Variants in OTUD1 observed in about 807,000 individuals in gnomAD.
OTUD1 encodes the protein OTU domain-containing protein 1.
Under a neutral mutation model 30.0 loss-of-function variants are expected in OTUD1, and 15 were observed. The ratio of observed to expected loss-of-function variants is 0.50; its 90% CI spans 0.33 to 0.77. The LOEUF (loss-of-function observed/expected upper bound fraction) is 0.77, where lower values mean the gene tolerates loss of function less well. Ranked by LOEUF, OTUD1 falls within the 30% of genes least tolerant of loss-of-function variation. The pLI is 0.02. For synonymous variants in OTUD1, 381 were observed against 326.3 expected, an observed-to-expected ratio of 1.17 and a Z score of -1.81; for missense variants, 796 against 697.8, an observed-to-expected ratio of 1.14 and a Z score of -1.59.
Position 23,439,898 on chromosome 10 carries a change from C to A in OTUD1, c.441C>A (p.Leu147=). Reference sequence around the variant, plus strand: ...CCGCTGCCCCGCGCGGCCGCTGCCTCCTGCTCGCCCCGGCGCCCGCAGCCC... The same window carrying A: ...CCGCTGCCCCGCGCGGCCGCTGCCTACTGCTCGCCCCGGCGCCCGCAGCCC... ...GSAAAPRGRC[L]LLAPAPAAPV... is the part of the protein sequence containing the mutation. The change falls in exon 1 of 1, where the codon CTC becomes CTA. Residue 147 remains leucine (L), a synonymous_variant. Coordinates refer to ENST00000376495, the MANE Select transcript of OTUD1 (RefSeq NM_001145373.3). The A allele has an allele frequency of 8.4e-7, 1 of 1,195,730 alleles. No homozygotes were observed. Among genetic ancestry groups the A allele is most frequent in the Non-Finnish European group, 1.0e-6 (1 of 967,958 alleles). The allele number at this position is 1,195,730 out of a possible 1,614,324, so 74.1% of individuals were successfully genotyped here.
chr10:23,440,379 A>C lies in OTUD1; in HGVS notation c.922A>C (p.Asn308His). 6.4e-7 allele frequency: 1 copy of C among 1,551,560 alleles called. No homozygotes were observed. The highest frequency in any genetic ancestry group is 8.7e-7 in the Non-Finnish European group (1 of 1,146,992). ...EKQDKYLRQR[N>H]KYRFHIIPDG... ...GCAGGACAAGTATCTGCGGCAGAGG[A>C]ATAAGTACCGATTCCACATCATTCC... Residue 308 changes from asparagine (N) to histidine (H), a missense_variant, in exon 1 of 1, where the codon AAT becomes CAT. Coordinates refer to ENST00000376495, the MANE Select transcript of OTUD1 (RefSeq NM_001145373.3).
In OTUD1 at chr10:23,439,529, G is replaced by A. The variant is rs1847102129; in HGVS notation, c.72G>A (p.Ala24=). ...GAPGPTAAAP[A]PPAAATPFKV... ...CGGGTCCCACGGCCGCCGCCCCCGCGCCACCCGCCGCCGCTACCCCCTTCA... is the reference window on the plus strand; with the variant it reads ...CGGGTCCCACGGCCGCCGCCCCCGCACCACCCGCCGCCGCTACCCCCTTCA... The change falls in exon 1 of 1, where the codon GCG becomes GCA. Residue 24 remains alanine (A), a synonymous_variant. Transcript: ENST00000376495. 1 of 1,362,052 alleles carries A rather than the reference G, an allele frequency of 7.3e-7. No homozygotes were observed. 84.4% of individuals were successfully genotyped at this position (1,362,052 alleles called of 1,614,324 possible).
chr10:23,440,758 C>G lies in OTUD1; in HGVS notation c.1301C>G (p.Ala434Gly), dbSNP rs1588756395. ...LSWLSNGHYD[A>G]VFDHSYPNPE... ...TGGCTCAGTAACGGACACTATGATGCTGTATTTGATCACTCCTATCCTAAC... is the reference window on the plus strand; with the variant it reads ...TGGCTCAGTAACGGACACTATGATGGTGTATTTGATCACTCCTATCCTAAC... Residue 434 changes from alanine (A) to glycine (G), a missense_variant, in exon 1 of 1, where the codon GCT (alanine) becomes GGT (glycine). Physicochemically the swap from Ala to Gly is moderately conservative, Grantham distance 60. Transcript: ENST00000376495. 6.4e-7 allele frequency: 1 copy of G among 1,552,114 alleles called. No homozygotes were observed. Among genetic ancestry groups the G allele is most frequent in the East Asian group, 2.4e-5 (1 of 40,930 alleles).
chr10:23,440,786 A>T lies in OTUD1; in HGVS notation c.1329A>T (p.Pro443=). The T allele has an allele frequency of 6.4e-7, 1 of 1,552,202 alleles. No homozygotes were observed. The highest frequency in any genetic ancestry group is 8.7e-7 in the Non-Finnish European group (1 of 1,147,094). ...TATTTGATCACTCCTATCCTAACCC[A>T]GAGTACGACAACTGGTGCAAACAAA... The part of the protein sequence containing the change: ...DAVFDHSYPN[P]EYDNWCKQTQ... The change falls in exon 1 of 1, where the codon CCA becomes CCT. Residue 443 remains proline (P), a synonymous_variant. Transcript: ENST00000376495.
chr10:23,440,856 G>A lies in OTUD1; in HGVS notation c.1399G>A (p.Ala467Thr). Reference sequence around the variant, plus strand: ...CGACGAAGAACTTGCCAAATCTATGGCCATATCCTTGTCTAAAATGTATAT... The same window carrying A: ...CGACGAAGAACTTGCCAAATCTATGACCATATCCTTGTCTAAAATGTATAT... ...KRDEELAKSM[A>T]ISLSKMYIEQ... The change falls in exon 1 of 1, where the codon GCC (alanine) becomes ACC (threonine). Residue 467 changes from alanine to threonine, a missense_variant. By Grantham distance (58) the Ala-to-Thr change is moderately conservative (BLOSUM62 0). Transcript: ENST00000376495. 6.4e-7 allele frequency: 1 copy of A among 1,551,894 alleles called. No individual in the cohort carries two copies. The highest frequency in any genetic ancestry group is 8.7e-7 in the Non-Finnish European group (1 of 1,147,010).
At position 23,440,918 on chromosome 10, in the gene OTUD1, T is replaced by C; in HGVS notation, c.*15T>C. On this transcript the variant is annotated 3_prime_UTR_variant, in exon 1 of 1. Transcript: ENST00000376495. ...CATGCTCTTGAAATGTCTCAAAACC[T>C]TACACCCTGGGAATAATTGCATATA... 1 of 1,540,892 alleles carries C rather than the reference T, an allele frequency of 6.5e-7. No individual in the cohort carries two copies. The highest frequency in any genetic ancestry group is 1.7e-4 in the Middle Eastern group (1 of 5,918).
Position 23,441,073 on chromosome 10 carries a change from T to A in OTUD1, c.*170T>A. On this transcript the variant is annotated 3_prime_UTR_variant, in exon 1 of 1. Coordinates refer to ENST00000376495, the MANE Select transcript of OTUD1 (RefSeq NM_001145373.3). ...ATGTTTTCTCAGAGCTGGAGGTTGCTGGGCACCTAAATGATGTTTCATGAT... is the reference window on the plus strand; with the variant it reads ...ATGTTTTCTCAGAGCTGGAGGTTGCAGGGCACCTAAATGATGTTTCATGAT... 9.6e-6 allele frequency: 7 copies of A among 729,128 alleles called. No individual in the cohort carries two copies. Among genetic ancestry groups the A allele is most frequent in the Non-Finnish European group, 1.6e-5 (7 of 448,280 alleles). The allele number at this position is 729,128 out of a possible 1,614,324, so 45.2% of individuals were successfully genotyped here. A position where few individuals can be genotyped will look rare whatever the true frequency, so the allele number is the denominator to read the frequency against.
In OTUD1 at chr10:23,439,828, T is replaced by C. The variant is rs1283566359; in HGVS notation, c.371T>C (p.Leu124Pro). The change falls in exon 1 of 1, where the codon CTC becomes CCC. Residue 124 changes from leucine (L) to proline (P), a missense_variant. Transcript: ENST00000376495. Reference sequence around the variant, plus strand: ...GTGCGGGCCCTGGGCGCCGACAGGCTCCTGCTGCACGGGCCCGATCCCGTT... The same window carrying C: ...GTGCGGGCCCTGGGCGCCGACAGGCCCCTGCTGCACGGGCCCGATCCCGTT... ...ITVRALGADR[L>P]LLHGPDPVPG... 8.9e-7 allele frequency: 1 copy of C among 1,120,740 alleles called. No homozygotes were observed. Among genetic ancestry groups the C allele is most frequent in the Non-Finnish European group, 1.1e-6 (1 of 920,986 alleles). 69.4% of individuals were successfully genotyped at this position (1,120,740 alleles called of 1,614,324 possible).
rs1847132501 is a variant in OTUD1 at position 23,441,867 on chromosome 10, G to A, written c.*964G>A. On this transcript the variant is annotated 3_prime_UTR_variant, in exon 1 of 1. Transcript: ENST00000376495. ...TAAATGTCTGGAGCCAACCTTGGCA[G>A]TTATAGCAGGAGAACACTGTCTTAA... is the stretch of plus-strand genomic sequence containing the variant. The A allele has an allele frequency of 6.0e-6, 1 of 167,078 alleles. No individual in the cohort carries two copies. The highest frequency in any genetic ancestry group is 1.5e-5 in the Non-Finnish European group (1 of 68,126). 10.3% of individuals were successfully genotyped at this position (167,078 alleles called of 1,614,324 possible).
At position 23,439,103 on chromosome 10, in the gene OTUD1, G is replaced by C. The variant is rs1417923260; in HGVS notation, c.-355G>C. The stretch of plus-strand genomic sequence containing the variant: ...CGCGCGCACCGCGCTCCTCCTCGCC[G>C]GCGGGACGCGCTCCAACGGGGCGGG... On this transcript the variant is annotated 5_prime_UTR_variant, in exon 1 of 1. Coordinates refer to ENST00000376495, the MANE Select transcript of OTUD1 (RefSeq NM_001145373.3). 6.6e-6 allele frequency among the ~76,000 whole-genome samples: 1 copy of C among 150,632 alleles called. No homozygotes were observed. Among genetic ancestry groups the C allele is most frequent in the African/African-American group, 2.4e-5 (1 of 41,288 alleles).
chr10:23,439,443 G>A lies in OTUD1; in HGVS notation c.-15G>A, dbSNP rs1847100751. ...GCTCGCCGCGCCTATAAGGGGCCGA[G>A]CGGCGGGCAGGGACATGCAGCTCTA... On this transcript the variant is annotated 5_prime_UTR_variant, in exon 1 of 1. Transcript: ENST00000376495. 4 of 1,277,538 alleles carry A rather than the reference G, an allele frequency of 3.1e-6. No individual in the cohort carries two copies. Among genetic ancestry groups the A allele is most frequent in the Non-Finnish European group, 3.0e-6 (3 of 1,014,104 alleles). 79.1% of individuals were successfully genotyped at this position (1,277,538 alleles called of 1,614,324 possible).
chr10:23,440,840 A>G lies in OTUD1; in HGVS notation c.1383A>G (p.Glu461=). The G allele has an allele frequency of 6.4e-7, 1 of 1,552,082 alleles. No individual in the cohort carries two copies. The highest frequency in any genetic ancestry group is 8.7e-7 in the Non-Finnish European group (1 of 1,147,060). ...QTQVQRKRDE[E]LAKSMAISLS... is the part of the protein sequence containing the mutation. ...AAGTGCAAAGGAAACGCGACGAAGA[A>G]CTTGCCAAATCTATGGCCATATCCT... The change falls in exon 1 of 1, where the codon GAA becomes GAG. Residue 461 remains glutamate (E), a synonymous_variant. Coordinates refer to ENST00000376495, the MANE Select transcript of OTUD1 (RefSeq NM_001145373.3).
chr10:23,439,589 C>G lies in OTUD1; in HGVS notation c.132C>G (p.Ala44=). 7.3e-7 allele frequency: 1 copy of G among 1,366,334 alleles called. No homozygotes were observed. Among genetic ancestry groups the G allele is most frequent in the Non-Finnish European group, 9.5e-7 (1 of 1,054,972 alleles). The allele number at this position is 1,366,334 out of a possible 1,614,324, so 84.6% of individuals were successfully genotyped here. The change falls in exon 1 of 1, where the codon GCC becomes GCG. Residue 44 remains alanine, a synonymous_variant. Transcript: ENST00000376495. Reference sequence around the variant, plus strand: ...TGCAGCCCCCGGGAGCCGCCGGCGCCGCGCCCGAGCCCGAGACCGGTGAGT... The same window carrying G: ...TGCAGCCCCCGGGAGCCGCCGGCGCGGCGCCCGAGCCCGAGACCGGTGAGT... ...VSLQPPGAAG[A]APEPETGECQ...
Position 23,439,121 on chromosome 10 carries a change from G to A in OTUD1, c.-337G>A, listed in dbSNP as rs1176074231. ...CCTCGCCGGCGGGACGCGCTCCAAC[G>A]GGGCGGGCGGCTTCCTCCGTGAGTC... On this transcript the variant is annotated 5_prime_UTR_variant, in exon 1 of 1. Transcript: ENST00000376495. Among the ~76,000 whole-genome samples the A allele has an allele frequency of 6.6e-6, 1 of 150,864 alleles. No individual in the cohort carries two copies. The highest frequency in any genetic ancestry group is 2.4e-5 in the African/African-American group (1 of 41,308).
Position 23,440,585 on chromosome 10 carries a change from C to T in OTUD1, c.1128C>T (p.Ala376=), listed in dbSNP as rs1221920162. ...IIAAAQDGAW[A]GYPELLAMGQ... is the part of the protein sequence containing the mutation. ...CTGCTGCCCAAGACGGGGCATGGGC[C>T]GGGTACCCGGAGTTGCTGGCCATGG... Residue 376 remains alanine, a synonymous_variant, in exon 1 of 1, where the codon GCC becomes GCT. Coordinates refer to ENST00000376495, the MANE Select transcript of OTUD1 (RefSeq NM_001145373.3). 2 of 1,551,646 alleles carry T rather than the reference C, an allele frequency of 1.3e-6. No individual in the cohort carries two copies. The highest frequency in any genetic ancestry group is 1.7e-6 in the Non-Finnish European group (2 of 1,147,000).
At position 23,439,470 on chromosome 10, in the gene OTUD1, A is replaced by G; in HGVS notation, c.13A>G (p.Ser5Gly). Residue 5 changes from serine (S) to glycine (G), a missense_variant, in exon 1 of 1, where the codon AGC (serine) becomes GGC (glycine). Ser to Gly is a moderately conservative substitution (Grantham distance 56, BLOSUM62 0). Coordinates refer to ENST00000376495, the MANE Select transcript of OTUD1 (RefSeq NM_001145373.3). MQLY[S>G]SVCTHYPAGA... ...GGCGGGCAGGGACATGCAGCTCTAC[A>G]GCAGCGTCTGCACCCACTACCCCGC... 7.5e-7 allele frequency: 1 copy of G among 1,339,340 alleles called. No homozygotes were observed. The highest frequency in any genetic ancestry group is 1.5e-5 in the African/African-American group (1 of 64,622). 83.0% of individuals were successfully genotyped at this position (1,339,340 alleles called of 1,614,324 possible). A position where few individuals can be genotyped will look rare whatever the true frequency, so the allele number is the denominator to read the frequency against.
rs1263518468 is a variant in OTUD1, at chr10:23,439,167, G to A, written c.-291G>A. 6.6e-6 allele frequency among the ~76,000 whole-genome samples: 1 copy of A among 150,792 alleles called. No individual in the cohort carries two copies. Among genetic ancestry groups the A allele is most frequent in the Non-Finnish European group, 1.5e-5 (1 of 67,620 alleles). ...GAGTCCCCAGCGGCCGCCGCGGGCC[G>A]AAGCAGCTGCAGCGGGCGCGGCGCC... On this transcript the variant is annotated 5_prime_UTR_variant, in exon 1 of 1. Transcript: ENST00000376495.
rs890143886 is a variant in OTUD1, at chr10:23,439,719, C to G, written c.262C>G (p.Pro88Ala). 3.4e-6 allele frequency: 4 copies of G among 1,182,266 alleles called. No individual in the cohort carries two copies. In the Admixed American group the frequency reaches 1.9e-4, roughly 55 times the overall value. 73.2% of individuals were successfully genotyped at this position (1,182,266 alleles called of 1,614,324 possible). Residue 88 changes from proline (P) to alanine (A), a missense_variant, in exon 1 of 1, where the codon CCC becomes GCC. Transcript: ENST00000376495. Reference sequence around the variant, plus strand: ...CGAGGTGGTGTCCGGGGCCGCCGCGCCCGCCTCCGCCGCCGCCGGCCCGCC... The same window carrying G: ...CGAGGTGGTGTCCGGGGCCGCCGCGGCCGCCTCCGCCGCCGCCGGCCCGCC... The part of the protein sequence containing the change: ...CFEVVSGAAA[P>A]ASAAAGPPGA...
In OTUD1 at chr10:23,440,321, G is replaced by A. The variant is rs1847113993; in HGVS notation, c.864G>A (p.Glu288=). ...VIVSRSDPRD[E]KLALYLAEVE... The stretch of plus-strand genomic sequence containing the variant: ...TCTCCAGGTCGGATCCCAGAGACGA[G>A]AAGCTGGCCCTATACCTGGCCGAGG... The change falls in exon 1 of 1, where the codon GAG becomes GAA. Residue 288 remains glutamate, a synonymous_variant. Coordinates refer to ENST00000376495, the MANE Select transcript of OTUD1 (RefSeq NM_001145373.3). 8.4e-6 allele frequency: 13 copies of A among 1,551,094 alleles called. No homozygotes were observed. Among genetic ancestry groups the A allele is most frequent in the South Asian group, 2.4e-5 (2 of 84,068 alleles).
Sources: gnomAD v4.1 joint callset for allele counts (sites outside exome capture counted in the v4.1 genomes callset) on GRCh38, gnomAD v4.1.1 for gene constraint, MANE v1.5 for transcripts, NCBI Gene and HGNC (gene_info 2026-07-23, HGNC 2026-07-21) for gene names.